Variants in ALX4 observed in about 807,000 individuals in gnomAD.
ALX4 encodes ALX homeobox 4.
ALX4 carries 22 observed loss-of-function variants against 40.6 expected under a neutral mutation model. The observed-to-expected ratio is 0.54, with a 90% CI of 0.39 to 0.77. ALX4 has a LOEUF of 0.77. Among genes scored for constraint, ALX4 ranks in the 30% least tolerant of loss-of-function variants. ALX4 has a pLI of 0.00. For missense variants in ALX4, 556 were observed against 564.8 expected, an observed-to-expected ratio of 0.98 and a Z score of 0.16; for synonymous variants, 266 against 240.5, an observed-to-expected ratio of 1.11 and a Z score of -0.98.
chr11:44,296,887 T>C, intron 1 of ALX4, among the ~76,000 whole-genome samples: 1 of 151,996 alleles, frequency 6.6e-6, no homozygotes, highest in Non-Finnish European at 1.5e-5. Flanking sequence ...TGGGTGCCTG[T>C]AATCCCAGCT....
intron 2 of ALX4, among the ~76,000 whole-genome samples, chr11:44,271,847 C>A (rs113563395): frequency 6.6e-6 from 1 of 152,128 alleles, no homozygotes; most frequent in Non-Finnish European, 1.5e-5. Context: ...ATTCTACTCC[C>A]GGGCACTCCC....
chr11:44,273,281 G>A (rs746051662), intron 2 of ALX4, among the ~76,000 whole-genome samples: 4 of 151,900 alleles, frequency 2.6e-5, no homozygotes, highest in Admixed American at 6.6e-5. Context: ...ATGTGGCAAC[G>A]TTTTATTTGC....
At chr11:44,281,718 G>T (rs1003116280) in intron 1 of ALX4, among the ~76,000 whole-genome samples, 1 of 152,008 alleles carries the variant, frequency 6.6e-6, no homozygotes, top group African/African-American at 2.4e-5. Flanking sequence ...CATTGATCAC[G>T]TCCCCACCCC....
chr11:44,284,332 C>A (rs1025737793), intron 1 of ALX4, among the ~76,000 whole-genome samples: 5 of 152,112 alleles, frequency 3.3e-5, no homozygotes, highest in African/African-American at 7.2e-5. Context: ...TGAGAGCGGG[C>A]TGGGCTCTGT....
intron 3 of ALX4, 43 bp downstream of exon 3, chr11:44,267,451 C>A (rs781586547): frequency 1.2e-6 from 2 of 1,610,830 alleles, no homozygotes; most frequent in Non-Finnish European, 1.7e-6. Context: ...CTCAGAGCAC[C>A]AGGGGCTGGG....
intron 1 of ALX4, among the ~76,000 whole-genome samples, chr11:44,305,670 A>G (rs1956462348): frequency 6.6e-6 from 1 of 152,218 alleles, no homozygotes; most frequent in African/African-American, 2.4e-5. Context: ...ACCCTCTGGT[A>G]TTTAACCACT....
At chr11:44,274,603 G>A (rs1203846707) in intron 2 of ALX4, among the ~76,000 whole-genome samples, 1 of 152,086 alleles carries the variant, frequency 6.6e-6, no homozygotes, top group Admixed American at 6.5e-5. Flanking sequence ...GTTGTGCTGG[G>A]TTGAGTTGAG....
chr11:44,284,128 G>A (rs1956325289), intron 1 of ALX4, among the ~76,000 whole-genome samples: 1 of 152,050 alleles, frequency 6.6e-6, no homozygotes, highest in South Asian at 2.1e-4. Context: ...AAAGAGGAAG[G>A]GAGTGGAGCA....
chr11:44,293,551 G>A (rs1464342066), intron 1 of ALX4, among the ~76,000 whole-genome samples: 1 of 152,196 alleles, frequency 6.6e-6, no homozygotes, highest in Non-Finnish European at 1.5e-5. Flanking sequence ...CCCCTGCAAC[G>A]GGATAGATCT....
At chr11:44,280,013 G>C (rs917722349) in intron 1 of ALX4, among the ~76,000 whole-genome samples, 2 of 152,212 alleles carry the variant, frequency 1.3e-5, no homozygotes, top group Non-Finnish European at 2.9e-5. Flanking sequence ...ATGTTCTATA[G>C]AGCATGTGCA....
At chr11:44,301,903 G>A (rs1047542722) in intron 1 of ALX4, among the ~76,000 whole-genome samples, 1 of 152,226 alleles carries the variant, frequency 6.6e-6, no homozygotes, top group Non-Finnish European at 1.5e-5. Flanking sequence ...CAGAGCTGGT[G>A]GCTTGTCAGA....
intron 2 of ALX4, among the ~76,000 whole-genome samples, chr11:44,273,864 G>T (rs1481281837): frequency 6.6e-6 from 1 of 152,100 alleles, no homozygotes; most frequent in Non-Finnish European, 1.5e-5. Flanking sequence ...GAGGCGGGAG[G>T]ATCCATTGAG....
intron 2 of ALX4, among the ~76,000 whole-genome samples, chr11:44,270,861 G>T (rs969371965): frequency 6.6e-6 from 1 of 152,220 alleles, no homozygotes; most frequent in South Asian, 2.1e-4. Context: ...CTCGCTAACC[G>T]CAGCCCATCT....
At chr11:44,276,481 A>G (rs181085759) in intron 1 of ALX4, among the ~76,000 whole-genome samples, 127 of 152,310 alleles carry the variant, frequency 8.3e-4, no homozygotes, top group Non-Finnish European at 1.5e-3. Flanking sequence ...ACCCACCGGC[A>G]CATTCCTAGC....
At chr11:44,278,694 G>A (rs1438622493) in intron 1 of ALX4, among the ~76,000 whole-genome samples, 2 of 152,188 alleles carry the variant, frequency 1.3e-5, no homozygotes, top group East Asian at 1.9e-4. Flanking sequence ...CCCTGGCCTC[G>A]GCCCCCGCTC....
In ALX4 at chr11:44,261,930, G is replaced by C. The variant is rs1391904654; in HGVS notation, c.*2924C>G. 1.3e-5 allele frequency: 2 copies of C among 152,298 alleles called. No homozygotes were observed. The highest frequency in any genetic ancestry group is 2.4e-5 in the African/African-American group (1 of 41,476). 9.4% of individuals were successfully genotyped at this position (152,298 alleles called of 1,614,324 possible). A position where few individuals can be genotyped will look rare whatever the true frequency, so the allele number is the denominator to read the frequency against. The stretch of plus-strand genomic sequence containing the variant: ...GCCCTGACTTGCTCAGTCATCCTAG[G>C]AGCTGACACGGCAGTGGCCCCCTGC... On this transcript the variant is annotated 3_prime_UTR_variant, in exon 4 of 4. Transcript: ENST00000652299.
At chr11:44,297,544 C>T (rs1463991812) in intron 1 of ALX4, among the ~76,000 whole-genome samples, 1 of 151,924 alleles carries the variant, frequency 6.6e-6, no homozygotes, top group Non-Finnish European at 1.5e-5. Context: ...ATGGAGAAAC[C>T]CTGTCTCTAC....
intron 1 of ALX4, among the ~76,000 whole-genome samples, chr11:44,295,171 T>C (rs1297733825): frequency 6.6e-6 from 1 of 152,140 alleles, no homozygotes; most frequent in Non-Finnish European, 1.5e-5. Context: ...CTATTTTACC[T>C]TATTTAAGCC....
In ALX4 at chr11:44,264,625, C is replaced by G; in HGVS notation, c.*229G>C. 1.7e-6 allele frequency: 1 copy of G among 591,956 alleles called. No homozygotes were observed. Among genetic ancestry groups the G allele is most frequent in the Non-Finnish European group, 3.0e-6 (1 of 335,172 alleles). The allele number at this position is 591,956 out of a possible 1,614,324, so 36.7% of individuals were successfully genotyped here. On this transcript the variant is annotated 3_prime_UTR_variant, in exon 4 of 4. Coordinates refer to ENST00000652299, the MANE Select transcript of ALX4 (RefSeq NM_021926.4). ...CCTGGCTTTCTCCACTGCCTGTGGC[C>G]GGGAGCAGGGGTCAGGGCCTCAGTG... is the stretch of plus-strand genomic sequence containing the variant.
Sources: gnomAD v4.1 joint callset for allele counts (sites outside exome capture counted in the v4.1 genomes callset) on GRCh38, gnomAD v4.1.1 for gene constraint, MANE v1.5 for transcripts, NCBI Gene and HGNC (gene_info 2026-07-23, HGNC 2026-07-21) for gene names.